Variants in BMP6 observed in about 807,000 individuals in gnomAD.
BMP6 encodes the protein bone morphogenetic protein 6.
In BMP6, 17 loss-of-function variants were observed where a neutral mutation model predicts 54.1. The observed-to-expected ratio is 0.31, with a 90% CI of 0.22 to 0.47. The LOEUF (loss-of-function observed/expected upper bound fraction) is 0.47. Ranked by LOEUF, BMP6 falls within the 20% of genes least tolerant of loss-of-function variation. The pLI, the probability that BMP6 is intolerant of heterozygous loss-of-function variation, is 1.00. For missense variants in BMP6, 720 were observed against 690.4 expected, an observed-to-expected ratio of 1.04 and a Z score of -0.48; for synonymous variants, 328 against 291.2, an observed-to-expected ratio of 1.13 and a Z score of -1.28.
chr6:7,793,524 G>C lies in BMP6; in HGVS notation c.665-51616G>C, dbSNP rs114344398. ...AACTCTAATGTCAACTGTGGACCTTGGGTGATAATGATGTGTCCGTGTAGG... is the reference window on the plus strand; with the variant it reads ...AACTCTAATGTCAACTGTGGACCTTCGGTGATAATGATGTGTCCGTGTAGG... On this transcript the variant is annotated intron_variant, in intron 1 of 6. Transcript: ENST00000283147. Among the ~76,000 whole-genome samples the C allele has an allele frequency of 3.2e-3, 492 of 152,070 alleles. 2 individuals carry two copies. Among genetic ancestry groups the C allele is most frequent in the African/African-American group, 0.011 (473 of 41,468 alleles).
At chr6:7,745,824 C>G (rs1034951768) in intron 1 of BMP6, among the ~76,000 whole-genome samples, 1 of 151,730 alleles carries the variant, frequency 6.6e-6, no homozygotes, top group South Asian at 2.1e-4. Context: ...AAAAAGAGGC[C>G]GGGTGTGGTG....
chr6:7,861,497 G>T lies in BMP6; in HGVS notation c.904G>T (p.Glu302Ter). 1 of 1,614,188 alleles carries T rather than the reference G, an allele frequency of 6.2e-7. No individual in the cohort carries two copies. The highest frequency in any genetic ancestry group is 8.5e-7 in the Non-Finnish European group (1 of 1,180,032). The part of the protein sequence containing the change: ...LLDTRVVWAS[E>*]EGWLEFDITA... ...GGACACCCGTGTAGTATGGGCCTCA[G>T]AAGAAGGCTGGCTGGAATTTGACAT... The change falls in exon 3 of 7, where the codon GAA (glutamate) becomes TAA (stop). Residue 302 changes from glutamate to a stop codon, truncating the protein, a stop_gained. Coordinates refer to ENST00000283147, the MANE Select transcript of BMP6 (RefSeq NM_001718.6). LOFTEE classifies it high-confidence loss of function.
chr6:7,741,998 GT>G (rs1757273758), intron 1 of BMP6, among the ~76,000 whole-genome samples: 1 of 152,188 alleles, frequency 6.6e-6, no homozygotes, highest in Non-Finnish European at 1.5e-5. Context: ...ATAAATGTCA[GT>G]TTCTCAAAAA....
At chr6:7,860,440 C>T (rs1444977892) in intron 2 of BMP6, among the ~76,000 whole-genome samples, 1 of 152,134 alleles carries the variant, frequency 6.6e-6, no homozygotes, top group African/African-American at 2.4e-5. Context: ...GGGATGGATA[C>T]GCAGATTCAG....
chr6:7,862,250 G>A (rs1746656527), intron 3 of BMP6, 51 bp from the exon 4 acceptor site: 15 of 1,593,824 alleles, frequency 9.4e-6, no homozygotes, highest in Non-Finnish European at 1.3e-5. Context: ...TGTAGCTACA[G>A]GAACAAGTTT....
At chr6:7,874,382 C>G (rs1759573596) in intron 4 of BMP6, among the ~76,000 whole-genome samples, 1 of 152,186 alleles carries the variant, frequency 6.6e-6, no homozygotes, top group East Asian at 1.9e-4. Context: ...CATTGTCATT[C>G]CCACTCTAGG....
In BMP6 at chr6:7,879,161, T is replaced by C. The variant is rs2113298366; in HGVS notation, c.1281+11T>C. On this transcript the variant is annotated intron_variant, in intron 5 of 6. Coordinates refer to ENST00000283147, the MANE Select transcript of BMP6 (RefSeq NM_001718.6). ...GACCTGGGATGGCAGGTGAGTTCTC[T>C]GGACACGGGGGATAAAGGTCCTTTC... 1 of 1,610,522 alleles carries C rather than the reference T, an allele frequency of 6.2e-7. No individual in the cohort carries two copies. The highest frequency in any genetic ancestry group is 8.5e-7 in the Non-Finnish European group (1 of 1,176,618).
At chr6:7,769,413 A>C (rs1757749019) in intron 1 of BMP6, among the ~76,000 whole-genome samples, 1 of 152,228 alleles carries the variant, frequency 6.6e-6, no homozygotes, top group Admixed American at 6.5e-5. Context: ...AAAGCTCCCC[A>C]GGTGATTCTA....
At chr6:7,834,492 A>C (rs1758842471) in intron 1 of BMP6, among the ~76,000 whole-genome samples, 1 of 151,830 alleles carries the variant, frequency 6.6e-6, no homozygotes, top group Admixed American at 6.6e-5. Context: ...AAATGACAGC[A>C]CAAACCAAAC....
At chr6:7,848,516 C>T (rs909243948) in intron 2 of BMP6, among the ~76,000 whole-genome samples, 4 of 152,140 alleles carry the variant, frequency 2.6e-5, no homozygotes, top group Non-Finnish European at 5.9e-5. Flanking sequence ...TTCAGTTCCC[C>T]AGCTCCCTGC....
At chr6:7,734,201 C>T (rs1377089737) in intron 1 of BMP6, among the ~76,000 whole-genome samples, 2 of 152,166 alleles carry the variant, frequency 1.3e-5, no homozygotes, top group Non-Finnish European at 2.9e-5. Flanking sequence ...GCCCCAGCAA[C>T]AGAAAACCCA....
chr6:7,850,117 AGTTG>A (rs1300923737), intron 2 of BMP6, among the ~76,000 whole-genome samples: 2 of 152,064 alleles, frequency 1.3e-5, no homozygotes, highest in African/African-American at 4.8e-5. Context: ...GCTGCTCTGT[AGTTG>A]GTTTCCATGT....
intron 4 of BMP6, among the ~76,000 whole-genome samples, chr6:7,876,867 T>A (rs1759628253): frequency 6.6e-6 from 1 of 152,184 alleles, no homozygotes; most frequent in Non-Finnish European, 1.5e-5. Context: ...CCTTCCATTA[T>A]TTTAGGTATT....
chr6:7,745,808 GA>G (rs922416986), intron 1 of BMP6, among the ~76,000 whole-genome samples: 12 of 145,682 alleles, frequency 8.2e-5, no homozygotes, highest in Admixed American at 2.7e-4. Context: ...TGATAGAGGT[GA>G]AAAAAAAAAG....
chr6:7,825,638 T>G (rs11755855), intron 1 of BMP6, among the ~76,000 whole-genome samples: 11,594 of 151,762 alleles, frequency 0.076, 551 homozygotes, highest in Non-Finnish European at 0.1. Context: ...GAGAGCCACT[T>G]GAACCCGGGA....
At position 7,820,790 on chromosome 6, in the gene BMP6, C is replaced by G. The variant is rs144885687; in HGVS notation, c.665-24350C>G. Among the ~76,000 whole-genome samples, 310 of 152,274 alleles carry G rather than the reference C, an allele frequency of 2.0e-3. 8 individuals carry two copies. The highest frequency in any genetic ancestry group is 0.019 in the East Asian group (100 of 5,170). On this transcript the variant is annotated intron_variant, in intron 1 of 6. Coordinates refer to ENST00000283147, the MANE Select transcript of BMP6 (RefSeq NM_001718.6). ...ACCAGGGACCAGTTTTGTAGAAGAT[C>G]ATTTTTCCATGGACCAGGTGGGGAG...
chr6:7,753,305 A>G (rs1757454668), intron 1 of BMP6, among the ~76,000 whole-genome samples: 1 of 152,170 alleles, frequency 6.6e-6, no homozygotes, highest in African/African-American at 2.4e-5. Flanking sequence ...AAATGAAAAA[A>G]CAGATTTGGT....
chr6:7,749,965 G>C (rs1757398926), intron 1 of BMP6, among the ~76,000 whole-genome samples: 2 of 152,174 alleles, frequency 1.3e-5, no homozygotes, highest in African/African-American at 4.8e-5. Flanking sequence ...TAAAGGGTTG[G>C]TAGGATTTAA....
intron 1 of BMP6, among the ~76,000 whole-genome samples, chr6:7,805,760 C>T (rs1339225559): frequency 6.6e-6 from 1 of 152,214 alleles, no homozygotes; most frequent in Non-Finnish European, 1.5e-5. Context: ...AATAAAACCT[C>T]ACAAAGAGAA....
Sources: gnomAD v4.1 joint callset for allele counts (sites outside exome capture counted in the v4.1 genomes callset) on GRCh38, gnomAD v4.1.1 for gene constraint, MANE v1.5 for transcripts, NCBI Gene and HGNC (gene_info 2026-07-23, HGNC 2026-07-21) for gene names.